The following PNPLA7 variants were observed in gnomAD, a reference collection of about 807,000 sequenced individuals.
PNPLA7 encodes the protein patatin-like phospholipase domain-containing protein 7.
PNPLA7 carries 153 observed loss-of-function variants against 161.7 expected under a neutral mutation model. The ratio of observed to expected loss-of-function variants is 0.95; its 90% CI spans 0.83 to 1.08. The LOEUF (loss-of-function observed/expected upper bound fraction) is 1.08. PNPLA7 is among the 50% of genes least tolerant of loss of function. The probability of loss-of-function intolerance (pLI) is 0.00; values close to 1 mark genes in which losing one functional copy is unlikely to be tolerated. For missense variants in PNPLA7, 1,739 were observed against 1,856.6 expected (o/e 0.94, Z 1.16); for synonymous variants, 809 against 782.1 (o/e 1.03, Z -0.57).
chr9:137,500,695 A>G lies in PNPLA7; in HGVS notation c.1753T>C (p.Tyr585His), dbSNP rs1465128816. Residue 585 changes from tyrosine (Y) to histidine (H), a missense_variant, in exon 16 of 35, where the codon TAT becomes CAT. Physicochemically the swap from Tyr to His is moderately conservative, Grantham distance 83. Coordinates refer to ENST00000406427, the MANE Select transcript of PNPLA7 (RefSeq NM_001098537.3). The surrounding 1 kb of genome is among the most constrained non-coding windows in gnomAD (Gnocchi z 5.5). The part of the protein sequence containing the change: ...SFLSISKAHF[Y>H]EIMRKQPTVV... ...GTCCTGGCCCGTGGGACTCACTCAT[A>G]GAAGTGGGCCTTGGAGATGGACAGG... The G allele has an allele frequency of 1.9e-6, 3 of 1,612,178 alleles. No homozygotes were observed. Among genetic ancestry groups the G allele is most frequent in the East Asian group, 4.5e-5 (2 of 44,850 alleles).
In PNPLA7 at chr9:137,523,805, A is replaced by T. The variant is rs1256480880; in HGVS notation, c.748-948T>A. On this transcript the variant is annotated intron_variant, in intron 8 of 34. Coordinates refer to ENST00000406427, the MANE Select transcript of PNPLA7 (RefSeq NM_001098537.3). This position sits in a 1 kb window ranked among gnomAD's most constrained non-coding sequence, Gnocchi z 4.4. ...CCACGCCCGGCTAATTTGTTTTTTG[A>T]ATTTTTAGTAGAGACAGGGTTTCAC... is the stretch of plus-strand genomic sequence containing the variant. Among the ~76,000 whole-genome samples the T allele has an allele frequency of 6.6e-5, 10 of 151,822 alleles. No homozygotes were observed. Among genetic ancestry groups the T allele is most frequent in the African/African-American group, 1.2e-4 (5 of 41,406 alleles).
chr9:137,516,608 A>G, intron 11 of PNPLA7: 2 of 752,554 alleles, frequency 2.7e-6, no homozygotes, highest in Non-Finnish European at 3.2e-6. Flanking sequence ...CAGGAGTTCA[A>G]GACCACCCTG....
intron 29 of PNPLA7, 34 bp from the exon 30 acceptor site, chr9:137,462,867 C>T: frequency 1.2e-6 from 2 of 1,608,570 alleles, no homozygotes; most frequent in Non-Finnish European, 1.7e-6. Context: ...ACCCCCTGGA[C>T]AGGCATGCAG....
intron 21 of PNPLA7, among the ~76,000 whole-genome samples, chr9:137,482,181 C>A (rs1320773551): frequency 6.6e-6 from 1 of 152,220 alleles, no homozygotes; most frequent in Non-Finnish European, 1.5e-5. Flanking sequence ...TTGGTGGTTT[C>A]TTCTACAACT....
intron 14 of PNPLA7, among the ~76,000 whole-genome samples, chr9:137,503,974 A>T (rs201254880): frequency 9.2e-5 from 9 of 97,670 alleles, no homozygotes; most frequent in African/African-American, 3.2e-4. Context: ...AGGAAGAAGA[A>T]GAAGGAAGAA....
At position 137,537,737 on chromosome 9, in the gene PNPLA7, G is replaced by A. The variant is rs554007987; in HGVS notation, c.747+2905C>T. On this transcript the variant is annotated intron_variant, in intron 8 of 34. Transcript: ENST00000406427. This position sits in a 1 kb window ranked among gnomAD's most constrained non-coding sequence, Gnocchi z 4.5. ...GCAGCAGCTGAGAGGAACCCGGCCC[G>A]TCTCAGCGCACAGCTCCCCTCTCCT... Among the ~76,000 whole-genome samples the A allele has an allele frequency of 1.3e-3, 191 of 152,238 alleles. No homozygotes were observed. The highest frequency in any genetic ancestry group is 3.4e-3 in the Middle Eastern group (1 of 294).
At position 137,460,113 on chromosome 9, in the gene PNPLA7, G is replaced by T; in HGVS notation, c.*280C>A. 1 of 359,270 alleles carries T rather than the reference G, an allele frequency of 2.8e-6. No homozygotes were observed. The highest frequency in any genetic ancestry group is 5.3e-6 in the Non-Finnish European group (1 of 188,940). The allele number at this position is 359,270 out of a possible 1,614,324, so 22.3% of individuals were successfully genotyped here. A position where few individuals can be genotyped will look rare whatever the true frequency, so the allele number is the denominator to read the frequency against. ...ACAGGGCTTCGGGGGGCCTCACAGG[G>T]CTTCGGGGGGCCTCACAGGGCTGCA... is the stretch of plus-strand genomic sequence containing the variant. On this transcript the variant is annotated 3_prime_UTR_variant, in exon 35 of 35. Coordinates refer to ENST00000406427, the MANE Select transcript of PNPLA7 (RefSeq NM_001098537.3).
At chr9:137,532,242 GC>G (rs1835619198) in intron 8 of PNPLA7, among the ~76,000 whole-genome samples, 1 of 152,194 alleles carries the variant, frequency 6.6e-6, no homozygotes, top group South Asian at 2.1e-4. Context: ...TTGAAGACCA[GC>G]CTGGCCAACA....
intron 14 of PNPLA7, among the ~76,000 whole-genome samples, chr9:137,503,948 T>TGAAGAAGAAG (rs1833733454): frequency 3.1e-5 from 1 of 32,566 alleles, no homozygotes; most frequent in Admixed American, 3.8e-4. Flanking sequence ...GAAGGAAGAA[T>TGAAGAAGAAG]GAAGAAGAAG....
intron 8 of PNPLA7, among the ~76,000 whole-genome samples, chr9:137,525,422 T>A (rs1047744118): frequency 1.3e-5 from 2 of 152,222 alleles, no homozygotes; most frequent in African/African-American, 4.8e-5. Context: ...TGTTATTTAT[T>A]TGATACAAGG....
At chr9:137,501,255 G>C (rs757014728) in intron 15 of PNPLA7, among the ~76,000 whole-genome samples, 1 of 152,184 alleles carries the variant, frequency 6.6e-6, no homozygotes, top group African/African-American at 2.4e-5. Context: ...GCCTCTGAGG[G>C]GTGGGCTCCT....
chr9:137,491,442 C>T, intron 20 of PNPLA7: 2 of 977,130 alleles, frequency 2.0e-6, no homozygotes, highest in Non-Finnish European at 2.4e-6. Context: ...CAACCGGACA[C>T]CTTCTACAAG....
chr9:137,502,101 A>G (rs929060571), intron 14 of PNPLA7, among the ~76,000 whole-genome samples: 43 of 152,192 alleles, frequency 2.8e-4, no homozygotes, highest in African/African-American at 1.0e-3. Context: ...CACACCACCT[A>G]CAGAATGATG....
intron 24 of PNPLA7, 57 bp downstream of exon 24, chr9:137,478,999 C>T (rs1156523407): frequency 6.1e-6 from 9 of 1,474,512 alleles, no homozygotes; most frequent in Non-Finnish European, 5.4e-6. Flanking sequence ...ATGCTTCGAA[C>T]GTTCGAGGAA....
chr9:137,484,865 C>T (rs1181017019), intron 20 of PNPLA7, 129 bp from the exon 21 acceptor site: 7 of 1,149,808 alleles, frequency 6.1e-6, no homozygotes, highest in Non-Finnish European at 8.3e-6. Flanking sequence ...GCCCTCCCGC[C>T]TCCCCAGTCC....
chr9:137,497,042 A>G, intron 18 of PNPLA7, 145 bp downstream of exon 18: 1 of 1,132,292 alleles, frequency 8.8e-7, no homozygotes, highest in Non-Finnish European at 1.1e-6. Flanking sequence ...GCTCACAGCA[A>G]AGCGGCTGCG....
intron 28 of PNPLA7, among the ~76,000 whole-genome samples, chr9:137,463,870 G>A (rs1444199963): frequency 6.6e-6 from 1 of 152,108 alleles, no homozygotes; most frequent in Non-Finnish European, 1.5e-5. Context: ...CCTCTCACAT[G>A]GTATCCATCA....
At position 137,540,783 on chromosome 9, in the gene PNPLA7, G is replaced by A. The variant is rs185488123; in HGVS notation, c.667-61C>T. On this transcript the variant is annotated intron_variant, in intron 7 of 34. Coordinates refer to ENST00000406427, the MANE Select transcript of PNPLA7 (RefSeq NM_001098537.3). This position sits in a 1 kb window ranked among gnomAD's most constrained non-coding sequence, Gnocchi z 5.1. ...TGGGGCTGCGACCGCGGGGCCTGGC[G>A]GAGGCTCAGCCCAGCCCAGGGCAGT... is the stretch of plus-strand genomic sequence containing the variant. The A allele has an allele frequency of 4.2e-5, 63 of 1,494,422 alleles. No individual in the cohort carries two copies. Among genetic ancestry groups the A allele is most frequent in the Admixed American group, 7.5e-5 (4 of 53,194 alleles). 92.6% of individuals were successfully genotyped at this position (1,494,422 alleles called of 1,614,324 possible).
At chr9:137,497,999 T>C in intron 17 of PNPLA7, 115 bp downstream of exon 17, 2 of 1,478,978 alleles carry the variant, frequency 1.4e-6, no homozygotes, top group East Asian at 4.6e-5. Context: ...CTTCCATGTG[T>C]GGTTTCCACA....
Sources: gnomAD v4.1 joint callset for allele counts (sites outside exome capture counted in the v4.1 genomes callset) on GRCh38, gnomAD v4.1.1 for gene constraint, Gnocchi (gnomAD v3.1) non-coding constraint, MANE v1.5 for transcripts, NCBI Gene and HGNC (gene_info 2026-07-23, HGNC 2026-07-21) for gene names.